Variants in ACADSB observed in about 807,000 individuals in gnomAD.
The protein encoded by ACADSB is acyl-CoA dehydrogenase short/branched chain.
In ACADSB, 40 loss-of-function variants were observed where a neutral mutation model predicts 54.1. The ratio of observed to expected loss-of-function variants is 0.74; its 90% CI spans 0.57 to 0.96. The LOEUF is 0.96. Ranked by LOEUF, ACADSB falls within the 40% of genes least tolerant of loss-of-function variation. The pLI is 0.00. For synonymous variants in ACADSB, 182 were observed against 182.8 expected, an observed-to-expected ratio of 1.00 and a Z score of 0.03; for missense variants, 530 against 510.4, an observed-to-expected ratio of 1.04 and a Z score of -0.37.
chr10:123,054,706 A>G lies in ACADSB; in HGVS notation c.*941A>G, dbSNP rs1793762713. The G allele has an allele frequency of 6.6e-6, 1 of 152,216 alleles. No individual in the cohort carries two copies. The highest frequency in any genetic ancestry group is 2.4e-5 in the African/African-American group (1 of 41,460). The allele number at this position is 152,216 out of a possible 1,614,324, so 9.4% of individuals were successfully genotyped here. A position where few individuals can be genotyped will look rare whatever the true frequency, so the allele number is the denominator to read the frequency against. ...TTAACCTGTATAAAAGATACATTTTATGGTGGTTTCAGTAGGTCATTTTAA... is the reference window on the plus strand; with the variant it reads ...TTAACCTGTATAAAAGATACATTTTGTGGTGGTTTCAGTAGGTCATTTTAA... On this transcript the variant is annotated 3_prime_UTR_variant, in exon 11 of 11. Transcript: ENST00000358776.
rs753497781 is a variant in ACADSB, at chr10:123,051,199, A to G, written c.1128+13A>G. The G allele has an allele frequency of 6.5e-6, 9 of 1,393,554 alleles. No homozygotes were observed. Among genetic ancestry groups the G allele is most frequent in the African/African-American group, 1.6e-5 (1 of 62,144 alleles). The allele number at this position is 1,393,554 out of a possible 1,614,324, so 86.3% of individuals were successfully genotyped here. On this transcript the variant is annotated intron_variant, in intron 9 of 10. Coordinates refer to ENST00000358776, the MANE Select transcript of ACADSB (RefSeq NM_001609.4). ...CTATGCATCAGAGGTAAAAAAAAAAAAAAAAAAAAAAAAGGAAAAAGTAAT... is the reference window on the plus strand; with the variant it reads ...CTATGCATCAGAGGTAAAAAAAAAAGAAAAAAAAAAAAAGGAAAAAGTAAT...
chr10:123,053,169 AT>A lies in ACADSB; in HGVS notation c.1228+21del, dbSNP rs11307362. The A allele has an allele frequency of 0.79, 999,069 of 1,267,504 alleles. 373,395 individuals carry two copies. Among genetic ancestry groups the A allele is most frequent in the Middle Eastern group, 0.85 (4,326 of 5,060 alleles). 78.5% of individuals were successfully genotyped at this position (1,267,504 alleles called of 1,614,324 possible). ...CCGAGATGCAAAGATTGGTAAATAG[AT>A]TTTTTTTTTTTACATTTTATTTTGT... On this transcript the variant is annotated intron_variant, in intron 10 of 10. Transcript: ENST00000358776.
intron 3 of ACADSB, among the ~76,000 whole-genome samples, chr10:123,039,927 A>C (rs1850447632): frequency 6.6e-6 from 1 of 152,256 alleles, no homozygotes; most frequent in African/African-American, 2.4e-5. Flanking sequence ...AAAAGGAAGC[A>C]AATGATAGCA....
rs1850470946 is a variant in ACADSB at position 123,041,369 on chromosome 10, A to G, written c.671A>G (p.Asp224Gly). 6.2e-7 allele frequency: 1 copy of G among 1,614,136 alleles called. No individual in the cohort carries two copies. The highest frequency in any genetic ancestry group is 8.5e-7 in the Non-Finnish European group (1 of 1,179,998). ...AGLFLVMANV[D>G]PTIGYKGITS... ...CTCTTTCTGGTGATGGCAAATGTAG[A>G]CCCTACCATTGTAAGTTTGAAAACG... Residue 224 changes from aspartate (D) to glycine (G), a missense_variant, in exon 5 of 11, where the codon GAC becomes GGC. Physicochemically the swap from Asp to Gly is moderately conservative, Grantham distance 94. Transcript: ENST00000358776.
intron 1 of ACADSB, among the ~76,000 whole-genome samples, chr10:123,023,936 G>A (rs1250279402): frequency 6.6e-6 from 1 of 152,250 alleles, no homozygotes; most frequent in African/African-American, 2.4e-5. Context: ...AGAGGTTGAA[G>A]TCTGGAGTTC....
intron 7 of ACADSB, among the ~76,000 whole-genome samples, chr10:123,045,954 C>T (rs1307481209): frequency 1.3e-5 from 2 of 152,158 alleles, no homozygotes; most frequent in Non-Finnish European, 2.9e-5. Context: ...CATCTGTCCT[C>T]GAAACCTTGC....
rs1448675873 is a variant in ACADSB, at chr10:123,052,527, C to T, written c.1129-534C>T. Among the ~76,000 whole-genome samples the T allele has an allele frequency of 1.3e-5, 2 of 152,186 alleles. No individual in the cohort carries two copies. The highest frequency in any genetic ancestry group is 2.4e-5 in the African/African-American group (1 of 41,446). ...TCAGGGTAATCTCTCCATCTCGTGT[C>T]CTTACCCACATCTGCAGAGTCCCTA... On this transcript the variant is annotated intron_variant, in intron 9 of 10. Coordinates refer to ENST00000358776, the MANE Select transcript of ACADSB (RefSeq NM_001609.4). The surrounding 1 kb of genome is among the most constrained non-coding windows in gnomAD (Gnocchi z 4.2).
chr10:123,011,064 G>A (rs1202211571), intron 1 of ACADSB, among the ~76,000 whole-genome samples: 1 of 152,164 alleles, frequency 6.6e-6, no homozygotes, highest in Non-Finnish European at 1.5e-5. Context: ...ATTGTTAGGA[G>A]CCATTGAAGG....
intron 1 of ACADSB, among the ~76,000 whole-genome samples, chr10:123,013,496 G>T (rs928365711): frequency 6.6e-6 from 1 of 152,256 alleles, no homozygotes; most frequent in African/African-American, 2.4e-5. Flanking sequence ...CTCGCGCCTC[G>T]TGCCTGCACT....
rs1181571352 is a variant in ACADSB, at chr10:123,057,408, G to A, written c.*3643G>A. The A allele has an allele frequency of 6.6e-6, 1 of 152,180 alleles. No individual in the cohort carries two copies. Among genetic ancestry groups the A allele is most frequent in the Non-Finnish European group, 1.5e-5 (1 of 68,030 alleles). The allele number at this position is 152,180 out of a possible 1,614,324, so 9.4% of individuals were successfully genotyped here. A position where few individuals can be genotyped will look rare whatever the true frequency, so the allele number is the denominator to read the frequency against. On this transcript the variant is annotated 3_prime_UTR_variant, in exon 11 of 11. Coordinates refer to ENST00000358776, the MANE Select transcript of ACADSB (RefSeq NM_001609.4). ...TTATTTTGTCATTTTTCCAAAGAGA[G>A]TGTTGTAGGTTTTCCCTGTAGTTCT...
At chr10:123,037,973 C>A in intron 3 of ACADSB, 126 bp downstream of exon 3, 1 of 736,340 alleles carries the variant, frequency 1.4e-6, no homozygotes, top group Non-Finnish European at 2.3e-6. Context: ...TGAAATCCTA[C>A]TTGATATTTA....
intron 4 of ACADSB, among the ~76,000 whole-genome samples, chr10:123,040,948 G>A (rs539770535): frequency 1.1e-4 from 16 of 152,184 alleles, no homozygotes; most frequent in African/African-American, 3.4e-4. Context: ...TTTCATTTAC[G>A]TTGTGATGTC....
intron 8 of ACADSB, 128 bp from the exon 9 acceptor site, chr10:123,050,921 C>T (rs753127992): frequency 4.9e-5 from 43 of 877,600 alleles, no homozygotes; most frequent in Admixed American, 7.9e-5. Flanking sequence ...ATTTAAAAGA[C>T]GTGAATGTAA....
chr10:123,045,152 TA>T (rs1564752929), intron 7 of ACADSB, among the ~76,000 whole-genome samples: 109 of 11,942 alleles, frequency 9.1e-3, no homozygotes, highest in Non-Finnish European at 0.02. Context: ...TATATATATA[TA>T]TATATATATA....
At chr10:123,049,873 A>T (rs1023996676) in intron 8 of ACADSB, among the ~76,000 whole-genome samples, 4 of 152,246 alleles carry the variant, frequency 2.6e-5, no homozygotes, top group African/African-American at 9.6e-5. Flanking sequence ...AAACAGACAC[A>T]AAAAGGACTA....
chr10:123,025,032 G>A (rs528051229), intron 1 of ACADSB, among the ~76,000 whole-genome samples: 56 of 151,166 alleles, frequency 3.7e-4, no homozygotes, highest in Admixed American at 1.5e-3. Context: ...GGAAGTTGAG[G>A]TTCCAGTGAG....
intron 2 of ACADSB, among the ~76,000 whole-genome samples, chr10:123,035,325 A>G (rs1262388791): frequency 1.3e-5 from 2 of 152,224 alleles, no homozygotes; most frequent in African/African-American, 4.8e-5. Context: ...CCTGTGGTTG[A>G]AACACGGAGC....
chr10:123,038,195 G>A (rs1268894853), intron 3 of ACADSB, among the ~76,000 whole-genome samples: 1 of 152,150 alleles, frequency 6.6e-6, no homozygotes, highest in Non-Finnish European at 1.5e-5. Flanking sequence ...GGCATCTAGT[G>A]GGATAGAGAC....
At chr10:123,023,448 G>A (rs1850209301) in intron 1 of ACADSB, among the ~76,000 whole-genome samples, 1 of 152,028 alleles carries the variant, frequency 6.6e-6, no homozygotes, top group Non-Finnish European at 1.5e-5. Flanking sequence ...ATAATAGTAA[G>A]TATACATACA....
Sources: gnomAD v4.1 joint callset for allele counts (sites outside exome capture counted in the v4.1 genomes callset) on GRCh38, gnomAD v4.1.1 for gene constraint, Gnocchi (gnomAD v3.1) non-coding constraint, MANE v1.5 for transcripts, NCBI Gene and HGNC (gene_info 2026-07-23, HGNC 2026-07-21) for gene names.